Variants in RBFOX1 observed in about 807,000 individuals in gnomAD.
RBFOX1 encodes RNA binding fox-1 homolog 1, also known as RNA binding protein fox-1 homolog 1.
In RBFOX1, 8 loss-of-function variants were observed where a neutral mutation model predicts 57.7. The ratio of observed to expected loss-of-function variants is 0.14; its 90% confidence interval spans 0.08 to 0.25. RBFOX1 has a LOEUF of 0.25. Ranked by LOEUF, RBFOX1 falls within the 10% of genes least tolerant of loss-of-function variation. RBFOX1 has a pLI of 1.00. For missense variants in RBFOX1, 611 were observed against 548.5 expected (o/e 1.11, Z -1.14); for synonymous variants, 326 against 222.4 (o/e 1.47, Z -4.15).
At chr16:5,355,342 G>A (rs536936276) in intron 1 of RBFOX1, among the ~76,000 whole-genome samples, 30 of 152,316 alleles carry the variant, frequency 2.0e-4, no homozygotes, top group African/African-American at 6.7e-4. Context: ...GAGAGATGAG[G>A]AAGGAGCAAT....
chr16:7,337,159 A>T (rs947562801), intron 4 of RBFOX1, among the ~76,000 whole-genome samples: 2 of 152,154 alleles, frequency 1.3e-5, no homozygotes, highest in Non-Finnish European at 1.5e-5. Flanking sequence ...AGGTAGCCCA[A>T]GGTCACAAAG....
At chr16:6,395,523 T>C (rs1223796698) in intron 2 of RBFOX1, among the ~76,000 whole-genome samples, 1 of 151,768 alleles carries the variant, frequency 6.6e-6, no homozygotes, top group Admixed American at 6.6e-5. Flanking sequence ...AGTTCTTACT[T>C]TTTTTTTACT....
intron 4 of RBFOX1, among the ~76,000 whole-genome samples, chr16:5,974,379 C>T (rs1439879688): frequency 9.9e-5 from 15 of 151,620 alleles, no homozygotes; most frequent in African/African-American, 2.7e-4. Flanking sequence ...GAGGCCGAGG[C>T]GGGTAGATCA....
intron 3 of RBFOX1, among the ~76,000 whole-genome samples, chr16:7,042,809 C>G (rs567193130): frequency 2.0e-5 from 3 of 152,218 alleles, no homozygotes; most frequent in African/African-American, 4.8e-5. Flanking sequence ...ACCTGGAATC[C>G]CAGGTACTCG....
intron 3 of RBFOX1, among the ~76,000 whole-genome samples, chr16:5,634,857 T>A (rs2151313630): frequency 6.6e-6 from 1 of 152,318 alleles, no homozygotes; most frequent in South Asian, 2.1e-4. Context: ...TTTGGCAACA[T>A]CATAAAAAAG....
intron 1 of RBFOX1, among the ~76,000 whole-genome samples, chr16:6,170,557 A>C (rs970741585): frequency 8.5e-5 from 13 of 152,314 alleles, no homozygotes; most frequent in African/African-American, 3.1e-4. Context: ...ATGTCAGAAT[A>C]CACTCATGGT....
intron 3 of RBFOX1, among the ~76,000 whole-genome samples, chr16:7,043,645 A>G (rs1014122172): frequency 1.3e-5 from 2 of 152,254 alleles, no homozygotes; most frequent in African/African-American, 2.4e-5. Context: ...TAAGTGATTC[A>G]TAATTGTCCT....
At chr16:7,123,150 G>A (rs1337568651) in intron 4 of RBFOX1, among the ~76,000 whole-genome samples, 1 of 152,060 alleles carries the variant, frequency 6.6e-6, no homozygotes, top group Non-Finnish European at 1.5e-5. Flanking sequence ...TGTAAATTAT[G>A]TTAACATTTA....
rs180772202 is a variant in RBFOX1 at position 7,114,838 on chromosome 16, C to T, written c.27+62740C>T. On this transcript the variant is annotated intron_variant, in intron 4 of 15. Coordinates refer to ENST00000550418, the MANE Select transcript of RBFOX1 (RefSeq NM_018723.4). ...ATAGCTGTAGTGGTTTTCATGAAGCCAAATCGTAAAGGTCTGAGAAATACA... is the reference window on the plus strand; with the variant it reads ...ATAGCTGTAGTGGTTTTCATGAAGCTAAATCGTAAAGGTCTGAGAAATACA... Among the ~76,000 whole-genome samples the T allele has an allele frequency of 9.2e-5, 14 of 152,228 alleles. No individual in the cohort carries two copies. In the East Asian group the frequency reaches 2.1e-3, roughly 23 times the overall value.
intron 4 of RBFOX1, among the ~76,000 whole-genome samples, chr16:5,886,191 C>G (rs999299780): frequency 6.6e-6 from 1 of 152,144 alleles, no homozygotes; most frequent in African/African-American, 2.4e-5. Flanking sequence ...TCATAAATTC[C>G]CCAGTTTCAG....
At chr16:6,718,834 C>G (rs751843697) in intron 3 of RBFOX1, among the ~76,000 whole-genome samples, 6 of 152,038 alleles carry the variant, frequency 3.9e-5, no homozygotes, top group Non-Finnish European at 7.4e-5. Context: ...GTGCATGTTT[C>G]TTTCTTTTTT....
intron 1 of RBFOX1, among the ~76,000 whole-genome samples, chr16:6,126,758 A>T (rs1304646977): frequency 2.0e-5 from 3 of 152,144 alleles, no homozygotes; most frequent in Non-Finnish European, 4.4e-5. Context: ...CATAATAGTC[A>T]ACATGTATGT....
intron 2 of RBFOX1, among the ~76,000 whole-genome samples, chr16:6,407,033 G>A (rs2093306034): frequency 6.6e-6 from 1 of 152,070 alleles, no homozygotes; most frequent in African/African-American, 2.4e-5. Context: ...AAGAGGTTTG[G>A]AAAATGATGC....
chr16:5,862,533 G>A lies in RBFOX1; in HGVS notation c.319-4770G>A, dbSNP rs1055812052. Reference sequence around the variant, plus strand: ...GATAATGTCCAACCAGGGAATAGCAGACAGTCACCCACTGCGTGTCAGGGT... The same window carrying A: ...GATAATGTCCAACCAGGGAATAGCAAACAGTCACCCACTGCGTGTCAGGGT... On this transcript the variant is annotated intron_variant, in intron 3 of 19. Coordinates refer to the RBFOX1 transcript ENST00000641259. 1.2e-4 allele frequency among the ~76,000 whole-genome samples: 18 copies of A among 152,328 alleles called. No individual in the cohort carries two copies. The East Asian group carries it at 2.7e-3, about 23-fold the overall frequency.
chr16:6,299,391 C>T (rs1459194514), intron 1 of RBFOX1, among the ~76,000 whole-genome samples: 1 of 152,124 alleles, frequency 6.6e-6, no homozygotes, highest in African/African-American at 2.4e-5. Flanking sequence ...CTAAAAATAG[C>T]GTTTTGAGAT....
intron 4 of RBFOX1, among the ~76,000 whole-genome samples, chr16:5,939,394 G>T (rs1219804765): frequency 6.6e-6 from 1 of 152,224 alleles, no homozygotes; most frequent in Non-Finnish European, 1.5e-5. Context: ...TCATGAGTTT[G>T]CAGTCATCTG....
rs973211943 is a variant in RBFOX1 at position 7,123,796 on chromosome 16, G to A, written c.27+71698G>A. Among the ~76,000 whole-genome samples, 4 of 152,264 alleles carry A rather than the reference G, an allele frequency of 2.6e-5. No homozygotes were observed. The East Asian group carries it at 7.7e-4, about 29-fold the overall frequency. On this transcript the variant is annotated intron_variant, in intron 4 of 15. Coordinates refer to ENST00000550418, the MANE Select transcript of RBFOX1 (RefSeq NM_018723.4). ...TTACTAATAATTTATAAAGTACATT[G>A]TTTTATATTTAGAATTTGCAATATA...
At chr16:6,880,351 T>G (rs115549141) in intron 3 of RBFOX1, among the ~76,000 whole-genome samples, 1 of 152,040 alleles carries the variant, frequency 6.6e-6, no homozygotes. Context: ...ACTGCCTTGG[T>G]TTTTAGTATT....
intron 3 of RBFOX1, among the ~76,000 whole-genome samples, chr16:6,772,421 C>T (rs1049111679): frequency 1.4e-5 from 2 of 140,704 alleles, no homozygotes; most frequent in Non-Finnish European, 3.0e-5. Flanking sequence ...TGTGTGCGCA[C>T]GTGCGTGTGT....
Sources: allele counts gnomAD v4.1 joint callset (sites outside exome capture counted in the v4.1 genomes callset), GRCh38; gene constraint gnomAD v4.1.1; transcripts MANE v1.5; gene names NCBI Gene and HGNC (gene_info 2026-07-23, HGNC 2026-07-21).